The following ABCA4 variants were observed in gnomAD, a reference collection of about 807,000 sequenced individuals.
ABCA4 encodes the protein ATP binding cassette subfamily A member 4.
Under a neutral mutation model 263.7 loss-of-function variants are expected in ABCA4, and 196 were observed. The ratio of observed to expected loss-of-function variants is 0.74; its 90% CI spans 0.66 to 0.84. The LOEUF (loss-of-function observed/expected upper bound fraction) is 0.84. ABCA4 is among the 40% of genes least tolerant of loss of function. The pLI is 0.00. For missense variants in ABCA4, 2,792 were observed against 2,855.1 expected (o/e 0.98, Z 0.50); for synonymous variants, 1,133 against 1,094.2 (o/e 1.04, Z -0.70).
chr1:94,099,076 T>A, intron 5 of ABCA4, 85 bp from the exon 6 acceptor site: 1 of 1,389,252 alleles, frequency 7.2e-7, no homozygotes, highest in Non-Finnish European at 9.9e-7. Context: ...GGGAATACCT[T>A]GTGTTACATG....
intron 11 of ABCA4, among the ~76,000 whole-genome samples, chr1:94,069,760 G>A (rs921308330): frequency 1.3e-5 from 2 of 152,196 alleles, no homozygotes; most frequent in Admixed American, 1.3e-4. Context: ...TGAGTTAGAG[G>A]CCGAAGGCAC....
chr1:93,993,481 G>A (rs1348728674), intron 49 of ABCA4, among the ~76,000 whole-genome samples: 1 of 151,846 alleles, frequency 6.6e-6, no homozygotes, highest in Non-Finnish European at 1.5e-5. Flanking sequence ...ACACACATAC[G>A]AGATGTGTGC....
chr1:94,078,732 G>A, intron 9 of ABCA4, 26 bp from the exon 10 acceptor site: 1 of 1,514,338 alleles, frequency 6.6e-7, no homozygotes, highest in Non-Finnish European at 9.2e-7. Context: ...GATCAAGACA[G>A]AGACACGAAC....
chr1:94,000,279 C>A (rs1032864331), intron 47 of ABCA4, among the ~76,000 whole-genome samples: 2 of 152,342 alleles, frequency 1.3e-5, no homozygotes, highest in South Asian at 4.1e-4. Context: ...CTTTGGCATG[C>A]AAACTCTTAA....
rs745512565 is a variant in ABCA4 at position 94,021,866 on chromosome 1, G to A, written c.4753C>T (p.Arg1585Trp). The change falls in exon 33 of 50, where the codon CGG becomes TGG. Residue 1585 changes from arginine to tryptophan, a missense_variant. By Grantham distance (101) the Arg-to-Trp change is moderately radical. Coordinates refer to ENST00000370225, the MANE Select transcript of ABCA4 (RefSeq NM_000350.3). ...CATACCCCGCTCACATTCATGATCC[G>A]GCCAAGGTCGCTTAAAAACCCAACA... ...ALVGFLSDLGRIMNVSGGPIT... is the reference protein window; with the variant it reads ...ALVGFLSDLGWIMNVSGGPIT... The A allele has an allele frequency of 4.6e-5, 74 of 1,613,890 alleles. No individual in the cohort carries two copies. The highest frequency in any genetic ancestry group is 5.6e-5 in the Non-Finnish European group (66 of 1,180,022).
At chr1:94,019,950 T>C (rs1659851193) in intron 35 of ABCA4, among the ~76,000 whole-genome samples, 191 bp from the exon 36 acceptor site, 1 of 152,216 alleles carries the variant, frequency 6.6e-6, no homozygotes, top group Middle Eastern at 3.2e-3. Flanking sequence ...TAAATGGGTA[T>C]TTGCGGGTTG....
At position 94,046,975 on chromosome 1, in the gene ABCA4, G is replaced by T; in HGVS notation, c.2862C>A (p.Tyr954Ter). ...PAVDRLNITF[Y>*]ENQITAFLGH... is the part of the protein sequence containing the mutation. ...CCAGGAATGCGGTGATCTGGTTCTC[G>T]TAGAAGGTGATGTTCAGACGGTCCA... The change falls in exon 19 of 50, where the codon TAC (tyrosine) becomes TAA (stop). Residue 954 changes from tyrosine (Y) to a stop codon, truncating the protein, a stop_gained. Coordinates refer to ENST00000370225, the MANE Select transcript of ABCA4 (RefSeq NM_000350.3). LOFTEE classifies it high-confidence loss of function. The T allele has an allele frequency of 6.2e-7, 1 of 1,614,132 alleles. No homozygotes were observed. The highest frequency in any genetic ancestry group is 2.2e-5 in the East Asian group (1 of 44,874).
chr1:94,050,419 G>A (rs1192644665), intron 17 of ABCA4, among the ~76,000 whole-genome samples: 1 of 152,190 alleles, frequency 6.6e-6, no homozygotes, highest in Non-Finnish European at 1.5e-5. Context: ...GAGGGAGGTT[G>A]GGTGGAGACA....
chr1:94,055,371 C>T (rs1051271748), intron 15 of ABCA4, 56 bp from the exon 16 acceptor site: 33 of 1,569,040 alleles, frequency 2.1e-5, no homozygotes, highest in Non-Finnish European at 2.9e-5. Flanking sequence ...TCCAATGCAA[C>T]AGCACCCAGA....
chr1:94,016,370 T>C (rs1659745066), intron 36 of ABCA4, among the ~76,000 whole-genome samples: 1 of 152,080 alleles, frequency 6.6e-6, no homozygotes, highest in South Asian at 2.1e-4. Flanking sequence ...GGGGGCAACC[T>C]GCCGTGGGGT....
rs74102069 is a variant in ABCA4, at chr1:94,009,170, C to A, written c.5715-299G>T. Among the ~76,000 whole-genome samples, 434 of 152,156 alleles carry A rather than the reference C, an allele frequency of 2.9e-3. 1 individual carries two copies. Among genetic ancestry groups the A allele is most frequent in the African/African-American group, 1.0e-2 (413 of 41,486 alleles). ...AACCATGTGATGAGGAGGAGGGTAA[C>A]AATACCTGTCTCATAGGATTGTGCT... On this transcript the variant is annotated intron_variant, in intron 40 of 49. Transcript: ENST00000370225.
intron 18 of ABCA4, among the ~76,000 whole-genome samples, chr1:94,048,439 G>T (rs981448353): frequency 6.6e-6 from 1 of 152,204 alleles, no homozygotes; most frequent in Non-Finnish European, 1.5e-5. Flanking sequence ...TTTGTAAGCC[G>T]TAAGTGAAGT....
At chr1:94,041,970 G>A (rs550101682) in intron 22 of ABCA4, among the ~76,000 whole-genome samples, 1 of 151,954 alleles carries the variant, frequency 6.6e-6, no homozygotes, top group Non-Finnish European at 1.5e-5. Context: ...GTGGTGGCGG[G>A]CACCTGTAGT....
chr1:94,101,324 C>T (rs1348484668), intron 5 of ABCA4, among the ~76,000 whole-genome samples: 11 of 152,204 alleles, frequency 7.2e-5, no homozygotes, highest in Non-Finnish European at 1.5e-4. Context: ...TCGGTGCCGA[C>T]AGCACCCCCT....
chr1:94,082,210 T>C (rs1205217286), intron 7 of ABCA4, among the ~76,000 whole-genome samples: 1 of 152,230 alleles, frequency 6.6e-6, no homozygotes, highest in South Asian at 2.1e-4. Context: ...ACTATTATTA[T>C]GTTGCTCATT....
chr1:94,080,361 G>T, intron 8 of ABCA4, 117 bp downstream of exon 8: 2 of 1,423,448 alleles, frequency 1.4e-6, no homozygotes, highest in Non-Finnish European at 2.0e-6. Context: ...CTTTACCTAA[G>T]GCCACTCAGC....
rs1286420049 is a variant in ABCA4 at position 94,063,149 on chromosome 1, T to G, written c.1723A>C (p.Ile575Leu). 2.5e-6 allele frequency: 4 copies of G among 1,614,196 alleles called. No homozygotes were observed. The Admixed American group carries it at 6.7e-5, about 27-fold the overall frequency. The change falls in exon 12 of 50, where the codon ATA (isoleucine) becomes CTA (leucine). Residue 575 changes from isoleucine to leucine, a missense_variant. Coordinates refer to ENST00000370225, the MANE Select transcript of ABCA4 (RefSeq NM_000350.3). ...TTATTGGTTTTCTCCACCACGTCTA[T>G]GTCCATTCGGATCTTATACTTCACG... ...PHVKYKIRMD[I>L]DVVEKTNKIK...
intron 22 of ABCA4, among the ~76,000 whole-genome samples, chr1:94,042,385 A>G (rs892306931): frequency 2.0e-5 from 3 of 152,136 alleles, no homozygotes; most frequent in Admixed American, 6.5e-5. Context: ...GGTCACCCTC[A>G]CACTGGTCCT....
chr1:94,007,962 A>T (rs1458883208), intron 42 of ABCA4, among the ~76,000 whole-genome samples: 1 of 152,184 alleles, frequency 6.6e-6, no homozygotes, highest in Non-Finnish European at 1.5e-5. Context: ...ACAACGAGAA[A>T]TTGTCAAATA....
Sources: allele counts gnomAD v4.1 joint callset (sites outside exome capture counted in the v4.1 genomes callset), GRCh38; gene constraint gnomAD v4.1.1; transcripts MANE v1.5; gene names NCBI Gene and HGNC (gene_info 2026-07-23, HGNC 2026-07-21).